ETNK1: variants seen among roughly 807,000 people sequenced by gnomAD.
ETNK1 encodes putative protein product of Nbla10396.
Under a neutral mutation model 45.1 loss-of-function variants are expected in ETNK1, and 8 were observed. The observed-to-expected ratio is 0.18, with a 90% confidence interval of 0.10 to 0.32. The LOEUF is 0.32. Among genes scored for constraint, ETNK1 ranks in the 10% least tolerant of loss-of-function variants. The pLI is 1.00. For synonymous variants in ETNK1, 152 were observed against 151.9 expected, an observed-to-expected ratio of 1.00 and a Z score of -0.01; for missense variants, 302 against 430.6, an observed-to-expected ratio of 0.70 and a Z score of 2.64.
intron 1 of ETNK1, among the ~76,000 whole-genome samples, chr12:22,635,014 A>G (rs1953636615): frequency 6.6e-6 from 1 of 152,100 alleles, no homozygotes; most frequent in Admixed American, 6.5e-5. Context: ...TCTATTATTC[A>G]TTACATGTCT....
chr12:22,632,986 A>G (rs1246773400), intron 1 of ETNK1, among the ~76,000 whole-genome samples: 1 of 152,178 alleles, frequency 6.6e-6, no homozygotes, highest in Non-Finnish European at 1.5e-5. Context: ...TATGTCTCCT[A>G]CTGTTAATGG....
intron 2 of ETNK1, chr12:22,656,378 T>C: frequency 1.0e-6 from 1 of 984,388 alleles, no homozygotes; most frequent in Non-Finnish European, 1.2e-6. Context: ...ATCCGTGTGA[T>C]GTGCAGGGCC....
At chr12:22,667,685 G>T (rs1954067664) in intron 4 of ETNK1, among the ~76,000 whole-genome samples, 1 of 152,180 alleles carries the variant, frequency 6.6e-6, no homozygotes, top group African/African-American at 2.4e-5. Context: ...ACATTGCAGA[G>T]CAAGTAGGGT....
intron 2 of ETNK1, among the ~76,000 whole-genome samples, chr12:22,651,887 T>A (rs1953881033): frequency 6.6e-6 from 1 of 152,016 alleles, no homozygotes; most frequent in Non-Finnish European, 1.5e-5. Flanking sequence ...GGTTTCACCA[T>A]GTTGGCCAGG....
At chr12:22,662,276 T>G (rs79702429) in intron 4 of ETNK1, among the ~76,000 whole-genome samples, 32,438 of 138,210 alleles carry the variant, frequency 0.23, 4,532 homozygotes, top group Non-Finnish European at 0.33. Context: ...TTAGAAGAGA[T>G]AGAGTTTCAC....
intron 1 of ETNK1, among the ~76,000 whole-genome samples, chr12:22,630,934 T>G (rs1238074895): frequency 6.6e-6 from 1 of 152,012 alleles, no homozygotes; most frequent in Non-Finnish European, 1.5e-5. Context: ...GCAGGTAAAT[T>G]ATATCATGTA....
chr12:22,635,476 C>T (rs1386223881), intron 1 of ETNK1, among the ~76,000 whole-genome samples: 4 of 152,192 alleles, frequency 2.6e-5, no homozygotes, highest in African/African-American at 7.2e-5. Context: ...GACTGTGCAT[C>T]GTGTTTTCTT....
intron 2 of ETNK1, chr12:22,644,315 A>G (rs1565439523): frequency 2.0e-5 from 32 of 1,592,458 alleles, no homozygotes; most frequent in Non-Finnish European, 2.7e-5. Flanking sequence ...TTAGTGTTTG[A>G]GTTGAAGTGT....
intron 1 of ETNK1, among the ~76,000 whole-genome samples, chr12:22,640,771 A>G (rs1194277153): frequency 1.3e-5 from 2 of 152,156 alleles, no homozygotes; most frequent in East Asian, 1.9e-4. Flanking sequence ...CTCGGTTTGT[A>G]TGTAGCAGAG....
chr12:22,682,210 T>A (rs1245399176), intron 6 of ETNK1: 2 of 347,828 alleles, frequency 5.7e-6, no homozygotes, highest in African/African-American at 4.3e-5. Flanking sequence ...TCAGAAAAAC[T>A]TATAGTACTA....
chr12:22,657,680 A>G (rs1953959109), intron 2 of ETNK1, among the ~76,000 whole-genome samples: 1 of 152,162 alleles, frequency 6.6e-6, no homozygotes, highest in Non-Finnish European at 1.5e-5. Flanking sequence ...AGCTTGGGTA[A>G]TATGTGCTGA....
At chr12:22,675,501 G>T (rs756539970) in intron 6 of ETNK1, among the ~76,000 whole-genome samples, 5 of 149,524 alleles carry the variant, frequency 3.3e-5, no homozygotes, top group African/African-American at 4.9e-5. Flanking sequence ...GACTACAGGC[G>T]CATGCCACCA....
chr12:22,670,912 C>T (rs565631009), intron 4 of ETNK1, among the ~76,000 whole-genome samples: 68 of 152,154 alleles, frequency 4.5e-4, no homozygotes, highest in Non-Finnish European at 8.7e-4. Flanking sequence ...TAGTAATTTC[C>T]AAAGATAAAA....
chr12:22,680,531 G>A (rs756821799), intron 6 of ETNK1, among the ~76,000 whole-genome samples: 1 of 152,166 alleles, frequency 6.6e-6, no homozygotes, highest in African/African-American at 2.4e-5. Flanking sequence ...GATGTTGCAT[G>A]TCTGTGTACT....
chr12:22,643,906 G>T lies in ETNK1; in HGVS notation c.300G>T (p.Leu100Phe). 6.2e-7 allele frequency: 1 copy of T among 1,613,474 alleles called. No individual in the cohort carries two copies. The highest frequency in any genetic ancestry group is 8.5e-7 in the Non-Finnish European group (1 of 1,179,522). ...RDEEVKSFRV[L>F]QAHGCAPQLY... ...AGGAAGTAAAGAGTTTTCGAGTGTT[G>T]CAGGCTCATGGGTGTGCACCACAAC... is the stretch of plus-strand genomic sequence containing the variant. Residue 100 changes from leucine (L) to phenylalanine (F), a missense_variant, in exon 2 of 8, where the codon TTG becomes TTT. By Grantham distance (22) the Leu-to-Phe change is conservative. This residue lies in a region of ETNK1 where 205 missense variants were observed against 259.9 expected (regional missense o/e 0.79). Transcript: ENST00000266517.
At chr12:22,638,255 G>GTT (rs35937176) in intron 1 of ETNK1, among the ~76,000 whole-genome samples, 4 of 142,918 alleles carry the variant, frequency 2.8e-5, no homozygotes, top group Non-Finnish European at 3.1e-5. Context: ...TTAAGGTGGG[G>GTT]TTTTTTTTTT....
intron 2 of ETNK1, among the ~76,000 whole-genome samples, chr12:22,656,120 T>C (rs1310126462): frequency 2.0e-5 from 3 of 152,240 alleles, no homozygotes; most frequent in African/African-American, 4.8e-5. Flanking sequence ...TACTGTTTTA[T>C]TCATTTTTTA....
chr12:22,673,426 T>G, intron 5 of ETNK1, 74 bp from the exon 6 acceptor site: 1 of 1,172,324 alleles, frequency 8.5e-7, no homozygotes, highest in Non-Finnish European at 1.2e-6. Flanking sequence ...AAAATGGTGG[T>G]TTTAGGGATT....
intron 4 of ETNK1, 99 bp downstream of exon 4, chr12:22,661,304 G>A (rs1953997267): frequency 2.1e-6 from 2 of 952,766 alleles, no homozygotes; most frequent in African/African-American, 1.7e-5. Context: ...AATGCAAGGA[G>A]TAAGAGCGTG....
Sources: allele counts gnomAD v4.1 joint callset (sites outside exome capture counted in the v4.1 genomes callset), GRCh38; gene constraint gnomAD v4.1.1; regional missense constraint gnomAD v4.1.1; transcripts MANE v1.5; gene names NCBI Gene and HGNC (gene_info 2026-07-23, HGNC 2026-07-21).